Variants in MEIKIN observed in about 807,000 individuals in gnomAD.
MEIKIN encodes meiosis-specific kinetochore protein.
At chr5:131,919,898 T>C (rs1439986652) in intron 6 of MEIKIN, among the ~76,000 whole-genome samples, 2 of 152,136 alleles carry the variant, frequency 1.3e-5, no homozygotes, top group African/African-American at 2.4e-5. Context: ...TATTCCCGAA[T>C]ACATAAACAA....
chr5:131,898,831 C>G (rs189825930), intron 8 of MEIKIN, among the ~76,000 whole-genome samples: 131 of 152,354 alleles, frequency 8.6e-4, no homozygotes, highest in African/African-American at 3.1e-3. Flanking sequence ...TACAGTCTGT[C>G]ATGGCTTCCC....
At chr5:131,850,140 C>A (rs1379798288) in intron 11 of MEIKIN, among the ~76,000 whole-genome samples, 1 of 151,498 alleles carries the variant, frequency 6.6e-6, no homozygotes, top group Admixed American at 6.6e-5. Flanking sequence ...AGTCAAAGAC[C>A]TACACAATAA....
chr5:131,912,362 C>A (rs1344352735), intron 7 of MEIKIN, among the ~76,000 whole-genome samples: 1 of 151,624 alleles, frequency 6.6e-6, no homozygotes, highest in Non-Finnish European at 1.5e-5. Flanking sequence ...GGCTAGACTG[C>A]AGTAAAAGGT....
chr5:131,891,129 A>G lies in MEIKIN; in HGVS notation c.704-12081T>C, dbSNP rs186475959. 2.6e-3 allele frequency among the ~76,000 whole-genome samples: 403 copies of G among 152,294 alleles called. 4 individuals are homozygous for G. The highest frequency in any genetic ancestry group is 4.6e-3 in the Non-Finnish European group (316 of 68,028). On this transcript the variant is annotated intron_variant, in intron 8 of 12. Coordinates refer to ENST00000442687, the MANE Select transcript of MEIKIN (RefSeq NM_001303622.2). ...TTTTACATTTGCTGAGGAGTGTTTT[A>G]CTTCCAACTATGTGGTCAATTTTGG...
intron 9 of MEIKIN, among the ~76,000 whole-genome samples, chr5:131,874,465 A>G (rs529021703): frequency 3.2e-4 from 48 of 152,254 alleles, no homozygotes; most frequent in African/African-American, 4.8e-4. Flanking sequence ...GAATCTCTGA[A>G]TAGACGAATA....
chr5:131,886,243 GT>G (rs1420082058), intron 8 of MEIKIN, among the ~76,000 whole-genome samples: 2 of 152,144 alleles, frequency 1.3e-5, no homozygotes, highest in African/African-American at 2.4e-5. Flanking sequence ...GGGGCAGAAA[GT>G]TTATTCAAAG....
At chr5:131,856,123 T>C (rs188004763) in intron 9 of MEIKIN, among the ~76,000 whole-genome samples, 209 of 152,302 alleles carry the variant, frequency 1.4e-3, no homozygotes, top group Non-Finnish European at 1.8e-3. Flanking sequence ...GAAATGTTTA[T>C]GGGTATATTT....
At position 131,945,580 on chromosome 5, in the gene MEIKIN, AAGTC is replaced by A. The variant is rs1355173095; in HGVS notation, c.-79_-76del. ...GCCTGCCTTCCTGAGGATCAGGGCT[AAGTC>A]ACAGGGAGTCAGCGTCCAGGCGAGG... On this transcript the variant is annotated 5_prime_UTR_variant, in exon 1 of 13. Transcript: ENST00000442687. 1 of 399,806 alleles carries A rather than the reference AAGTC, an allele frequency of 2.5e-6. No individual in the cohort carries two copies. Among genetic ancestry groups the A allele is most frequent in the East Asian group, 3.6e-5 (1 of 28,054 alleles). The allele number at this position is 399,806 out of a possible 1,614,324, so 24.8% of individuals were successfully genotyped here.
chr5:131,907,648 C>T lies in MEIKIN; in HGVS notation c.703+4167G>A, dbSNP rs139935746. Among the ~76,000 whole-genome samples, 1,122 of 150,944 alleles carry T rather than the reference C, an allele frequency of 7.4e-3. 15 individuals carry two copies. Among genetic ancestry groups the T allele is most frequent in the African/African-American group, 0.026 (1,088 of 41,086 alleles). On this transcript the variant is annotated intron_variant, in intron 8 of 12. Transcript: ENST00000442687. Reference sequence around the variant, plus strand: ...CAGCACTTTGGGAGGCCAAGGTGGGCGGATCACGAAGTCAGGAGTTCGAGA... The same window carrying T: ...CAGCACTTTGGGAGGCCAAGGTGGGTGGATCACGAAGTCAGGAGTTCGAGA...
intron 11 of MEIKIN, among the ~76,000 whole-genome samples, chr5:131,822,773 G>T (rs1307237452): frequency 6.6e-6 from 1 of 152,038 alleles, no homozygotes; most frequent in East Asian, 1.9e-4. Flanking sequence ...TTACCAGTGA[G>T]TTTTCTACCT....
intron 8 of MEIKIN, among the ~76,000 whole-genome samples, chr5:131,892,977 T>C (rs139620728): frequency 0.26 from 39,570 of 152,000 alleles, 5,458 homozygotes; most frequent in East Asian, 0.49. Context: ...TGCTGGAGGT[T>C]CACTCCAGAC....
At chr5:131,902,595 T>C (rs999998173) in intron 8 of MEIKIN, among the ~76,000 whole-genome samples, 2 of 152,172 alleles carry the variant, frequency 1.3e-5, no homozygotes, top group African/African-American at 4.8e-5. Context: ...TAAGCCTCTT[T>C]TCTTTATAAA....
At chr5:131,871,689 T>C (rs1262335971) in intron 9 of MEIKIN, among the ~76,000 whole-genome samples, 4 of 152,074 alleles carry the variant, frequency 2.6e-5, no homozygotes, top group Non-Finnish European at 4.4e-5. Context: ...TGAGAATGGG[T>C]AGACTGCCTC....
intron 11 of MEIKIN, among the ~76,000 whole-genome samples, chr5:131,826,236 A>G (rs1749606816): frequency 6.6e-6 from 1 of 151,914 alleles, no homozygotes; most frequent in South Asian, 2.1e-4. Context: ...CTAAATGGTG[A>G]ATTTCAAAAT....
At chr5:131,888,408 G>T (rs1054500642) in intron 8 of MEIKIN, among the ~76,000 whole-genome samples, 1 of 151,882 alleles carries the variant, frequency 6.6e-6, no homozygotes, top group African/African-American at 2.4e-5. Context: ...CATTCTAACT[G>T]GTGTGAGATG....
intron 8 of MEIKIN, among the ~76,000 whole-genome samples, chr5:131,886,954 C>G (rs1312365973): frequency 5.0e-5 from 5 of 100,064 alleles, no homozygotes; most frequent in African/African-American, 1.9e-4. Flanking sequence ...CCTCCCCCCT[C>G]CCCCCACCCT....
chr5:131,832,792 G>A (rs1361350487), intron 11 of MEIKIN, among the ~76,000 whole-genome samples: 1 of 152,242 alleles, frequency 6.6e-6, no homozygotes, highest in African/African-American at 2.4e-5. Context: ...TGAAGCCATG[G>A]CCCAAGCTCT....
intron 12 of MEIKIN, among the ~76,000 whole-genome samples, chr5:131,814,877 C>A (rs1420992644): frequency 6.6e-6 from 1 of 152,116 alleles, no homozygotes; most frequent in African/African-American, 2.4e-5. Context: ...CTATCCAAGG[C>A]CAACCTGGAT....
chr5:131,884,779 C>A lies in MEIKIN; in HGVS notation c.704-5731G>T, dbSNP rs1181276373. Among the ~76,000 whole-genome samples, 9 of 151,784 alleles carry A rather than the reference C, an allele frequency of 5.9e-5. No individual in the cohort carries two copies. In the East Asian group the frequency reaches 1.7e-3, roughly 29 times the overall value. ...CTCTTGGACAGCATTTCTGGATGTG[C>A]CCTGGGCCAGAGAGGAGTCCACTGC... On this transcript the variant is annotated intron_variant, in intron 8 of 12. Coordinates refer to ENST00000442687, the MANE Select transcript of MEIKIN (RefSeq NM_001303622.2).
Sources: gnomAD v4.1 joint callset for allele counts (sites outside exome capture counted in the v4.1 genomes callset) on GRCh38, gnomAD v4.1.1 for gene constraint, MANE v1.5 for transcripts, NCBI Gene and HGNC (gene_info 2026-07-23, HGNC 2026-07-21) for gene names.